CSMD1: variants seen among roughly 807,000 people sequenced by gnomAD.
The protein encoded by CSMD1 is CUB and Sushi multiple domains 1.
In CSMD1, 213 loss-of-function variants were observed where a neutral mutation model predicts 417.5. The observed-to-expected ratio is 0.51, with a 90% CI of 0.46 to 0.57. The LOEUF (loss-of-function observed/expected upper bound fraction) is 0.57. Ranked by LOEUF, CSMD1 falls within the 20% of genes least tolerant of loss-of-function variation. The probability of loss-of-function intolerance (pLI) is 0.00; values close to 1 mark genes in which losing one functional copy is unlikely to be tolerated. For missense variants in CSMD1, 6,923 were observed against 4,529.7 expected, an observed-to-expected ratio of 1.53 and a Z score of -15.17; for synonymous variants, 2,862 against 1,736.8, an observed-to-expected ratio of 1.65 and a Z score of -16.11.
intron 3 of CSMD1, among the ~76,000 whole-genome samples, chr8:4,311,650 G>A (rs1225146272): frequency 6.7e-6 from 1 of 149,920 alleles, no homozygotes; most frequent in Non-Finnish European, 1.5e-5. Flanking sequence ...TTGAACCTGG[G>A]AGGCAGAGGC....
In CSMD1 at chr8:3,708,500, A is replaced by C; in HGVS notation, c.932-9T>G. On this transcript the variant is annotated splice_polypyrimidine_tract_variant and intron_variant, in intron 6 of 69. Transcript: ENST00000635120. ...CTCAATCGCCTTTTTCACTGGAAGA[A>C]ACAAAACCAAGCCATTAGCAGGTAA... 1.9e-6 allele frequency: 3 copies of C among 1,613,300 alleles called. No homozygotes were observed. The highest frequency in any genetic ancestry group is 2.5e-6 in the Non-Finnish European group (3 of 1,179,284).
chr8:4,770,211 G>GTA (rs200424664), intron 1 of CSMD1, among the ~76,000 whole-genome samples: 3,045 of 147,880 alleles, frequency 0.021, 97 homozygotes, highest in African/African-American at 0.071. Flanking sequence ...ATAAATTACT[G>GTA]TATATATATA....
intron 5 of CSMD1, among the ~76,000 whole-genome samples, chr8:3,863,319 C>G (rs1229544793): frequency 6.6e-6 from 1 of 151,582 alleles, no homozygotes; most frequent in East Asian, 1.9e-4. Flanking sequence ...ATCGCTTGAA[C>G]CCAGGAGATG....
At chr8:4,062,170 G>T (rs777151273) in intron 3 of CSMD1, among the ~76,000 whole-genome samples, 4 of 152,110 alleles carry the variant, frequency 2.6e-5, no homozygotes, top group Non-Finnish European at 5.9e-5. Context: ...AAACACGCAA[G>T]ACTTGCCAAG....
chr8:3,886,137 GTC>G (rs1806549021), intron 5 of CSMD1, among the ~76,000 whole-genome samples: 1 of 152,032 alleles, frequency 6.6e-6, no homozygotes, highest in African/African-American at 2.4e-5. Context: ...TGCAACCTCT[GTC>G]TCTCTGTTTC....
intron 2 of CSMD1, among the ~76,000 whole-genome samples, chr8:4,458,124 G>C (rs1219010826): frequency 6.6e-6 from 1 of 151,916 alleles, no homozygotes; most frequent in Non-Finnish European, 1.5e-5. Flanking sequence ...AACTTTCTGT[G>C]TTTAAATTAC....
intron 2 of CSMD1, among the ~76,000 whole-genome samples, chr8:4,441,526 A>G (rs1455343610): frequency 6.6e-6 from 1 of 152,034 alleles, no homozygotes; most frequent in African/African-American, 2.4e-5. Flanking sequence ...ATAACTTTCA[A>G]TTTTCATGTG....
intron 10 of CSMD1, among the ~76,000 whole-genome samples, chr8:3,530,128 G>T (rs745872954): frequency 2.0e-5 from 3 of 152,016 alleles, no homozygotes; most frequent in East Asian, 3.9e-4. Context: ...AAAGCAACTT[G>T]GTTTAAGTTC....
rs188241847 is a variant in CSMD1 at position 3,171,329 on chromosome 8, C to G, written c.5726-9052G>C. On this transcript the variant is annotated intron_variant, in intron 37 of 69. Coordinates refer to ENST00000635120, the MANE Select transcript of CSMD1 (RefSeq NM_033225.6). ...CCTGGTGACAGAAAGTGGGGGGACT[C>G]CAAGCAGCCCAGCCTGATTTCCACT... is the stretch of plus-strand genomic sequence containing the variant. 3.3e-5 allele frequency among the ~76,000 whole-genome samples: 5 copies of G among 152,290 alleles called. No individual in the cohort carries two copies. The East Asian group carries it at 9.7e-4, about 29-fold the overall frequency.
intron 3 of CSMD1, among the ~76,000 whole-genome samples, chr8:4,138,843 A>T (rs556424593): frequency 2.0e-5 from 3 of 152,318 alleles, no homozygotes; most frequent in Non-Finnish European, 4.4e-5. Flanking sequence ...TATAGAGAAT[A>T]AAGTTAATAT....
At chr8:4,805,145 A>T (rs1292603119) in intron 1 of CSMD1, among the ~76,000 whole-genome samples, 2 of 152,174 alleles carry the variant, frequency 1.3e-5, no homozygotes, top group Non-Finnish European at 1.5e-5. Flanking sequence ...TGCAGGGACG[A>T]TGTTTTTTCC....
intron 11 of CSMD1, among the ~76,000 whole-genome samples, chr8:3,479,540 A>G (rs760627728): frequency 2.6e-5 from 4 of 152,210 alleles, no homozygotes; most frequent in African/African-American, 9.7e-5. Flanking sequence ...TCGGCCCCCC[A>G]AAGTGCTGGG....
At chr8:4,433,822 G>A (rs769707246) in intron 2 of CSMD1, among the ~76,000 whole-genome samples, 2 of 149,826 alleles carry the variant, frequency 1.3e-5, no homozygotes, top group Non-Finnish European at 3.0e-5. Context: ...TACTTTTAAT[G>A]AATCTGGAAA....
intron 3 of CSMD1, among the ~76,000 whole-genome samples, chr8:4,123,435 T>G (rs972822133): frequency 6.6e-6 from 1 of 152,238 alleles, no homozygotes; most frequent in African/African-American, 2.4e-5. Flanking sequence ...TTAAATATAT[T>G]TGGCCTTTAA....
At chr8:4,716,557 G>C (rs532685562) in intron 1 of CSMD1, among the ~76,000 whole-genome samples, 4 of 152,238 alleles carry the variant, frequency 2.6e-5, no homozygotes, top group African/African-American at 9.6e-5. Flanking sequence ...ATAAATTTTA[G>C]GCACAGATGT....
At chr8:4,184,193 G>A (rs2131187504) in intron 3 of CSMD1, among the ~76,000 whole-genome samples, 1 of 152,290 alleles carries the variant, frequency 6.6e-6, no homozygotes, top group Non-Finnish European at 1.5e-5. Flanking sequence ...TTAAATCTGT[G>A]TCAGTCTGAG....
At chr8:4,277,178 T>C (rs1215443962) in intron 3 of CSMD1, among the ~76,000 whole-genome samples, 1 of 148,090 alleles carries the variant, frequency 6.8e-6, no homozygotes, top group Non-Finnish European at 1.5e-5. Context: ...CATACATATT[T>C]ATATGTCATC....
At chr8:4,042,132 T>C (rs928825290) in intron 3 of CSMD1, among the ~76,000 whole-genome samples, 25 of 151,984 alleles carry the variant, frequency 1.6e-4, no homozygotes, top group African/African-American at 5.8e-4. Flanking sequence ...ACAAATTACC[T>C]AAAAACTTCA....
chr8:4,816,859 C>T (rs2028224), intron 1 of CSMD1, among the ~76,000 whole-genome samples: 144,640 of 152,174 alleles, frequency 0.95, 69,203 homozygotes, highest in East Asian at 1. Context: ...GGAAGCAAGT[C>T]ATATGGGGGT....
Sources: gnomAD v4.1 joint callset for allele counts (sites outside exome capture counted in the v4.1 genomes callset) on GRCh38, gnomAD v4.1.1 for gene constraint, MANE v1.5 for transcripts, NCBI Gene and HGNC (gene_info 2026-07-23, HGNC 2026-07-21) for gene names.